C4orf51: variants seen among roughly 807,000 people sequenced by gnomAD.
C4orf51 encodes chromosome 4 open reading frame 51.
A neutral mutation model predicts 25.2 loss-of-function variants in C4orf51; 25 were observed. The observed-to-expected ratio is 0.99, with a 90% CI of 0.72 to 1.39. C4orf51 has a LOEUF of 1.39. Ranked by LOEUF, C4orf51 falls within the 40% of genes most tolerant of loss-of-function variation. The pLI, the probability that C4orf51 is intolerant of heterozygous loss-of-function variation, is 0.00. For synonymous variants in C4orf51, 100 were observed against 84.5 expected (o/e 1.18, Z -1.01); for missense variants, 252 against 239.6 (o/e 1.05, Z -0.34).
At chr4:145,785,046 T>C in the C4orf51 span, among the ~76,000 whole-genome samples, 2 of 152,256 alleles carry the variant, frequency 1.3e-5, no homozygotes, top group African/African-American at 2.4e-5. Context: ...ATTTGGGCTT[T>C]TCCTCTTCCT....
chr4:145,684,178 A>G (rs28841034), intron 1 of C4orf51, among the ~76,000 whole-genome samples: 9,920 of 152,234 alleles, frequency 0.065, 384 homozygotes, highest in Middle Eastern at 0.14. Context: ...TTGGCAAATA[A>G]GCATGTAAAA....
intron 2 of C4orf51, among the ~76,000 whole-genome samples, chr4:145,701,966 C>A (rs565656270): frequency 0.011 from 1,620 of 152,150 alleles, 33 homozygotes; most frequent in African/African-American, 0.037. Flanking sequence ...CTCTCATATC[C>A]CCCCACCTTA....
At chr4:145,716,117 T>C (rs763750536) in intron 2 of C4orf51, among the ~76,000 whole-genome samples, 13 of 152,206 alleles carry the variant, frequency 8.5e-5, no homozygotes, top group Non-Finnish European at 1.5e-4. Context: ...ATCAAAATTG[T>C]CTATTAATTA....
intron 2 of C4orf51, among the ~76,000 whole-genome samples, chr4:145,706,941 A>G (rs1232541333): frequency 1.3e-5 from 2 of 151,162 alleles, no homozygotes; most frequent in Non-Finnish European, 2.9e-5. Flanking sequence ...CCTCTTGAGT[A>G]GCTGGGATTA....
chr4:145,765,564 T>C lies in C4orf51; in HGVS notation n.167-5424T>C, dbSNP rs765908191. The C allele has an allele frequency of 8.7e-6, 14 of 1,613,380 alleles. No individual in the cohort carries two copies. In the South Asian group the frequency reaches 1.5e-4, roughly 18 times the overall value. ...CTCCTTACCTTTCTCTGGCTTTTCC[T>C]CACTGTTCAGTGAGGGCTGGCTCCC... On this transcript the variant is annotated intron_variant and non_coding_transcript_variant, in intron 1 of 1. Transcript: ENST00000510096. This position sits in a 1 kb window ranked among gnomAD's most constrained non-coding sequence, Gnocchi z 4.7.
the C4orf51 span, among the ~76,000 whole-genome samples, chr4:145,792,365 G>T: frequency 6.7e-6 from 1 of 148,726 alleles, no homozygotes; most frequent in Non-Finnish European, 1.5e-5. Context: ...ATTGTTTTCA[G>T]TTGTCATAAG....
chr4:145,785,375 A>G, the C4orf51 span, among the ~76,000 whole-genome samples: 7 of 152,162 alleles, frequency 4.6e-5, no homozygotes, highest in African/African-American at 1.7e-4. Context: ...ACTTTCCTTA[A>G]TTAAACCCAT....
chr4:145,720,421 C>G, intron 2 of C4orf51, among the ~76,000 whole-genome samples: 1 of 152,138 alleles, frequency 6.6e-6, no homozygotes, highest in East Asian at 1.9e-4. Context: ...TGAAAACCCC[C>G]CACCTACACT....
intron 1 of C4orf51, among the ~76,000 whole-genome samples, chr4:145,688,361 T>C (rs952059659): frequency 2.0e-5 from 3 of 152,112 alleles, no homozygotes; most frequent in Admixed American, 2.0e-4. Flanking sequence ...TGTTCATGAA[T>C]TGAAAGATGA....
chr4:145,712,741 A>G (rs1731200431), intron 2 of C4orf51, among the ~76,000 whole-genome samples: 1 of 152,368 alleles, frequency 6.6e-6, no homozygotes, highest in East Asian at 1.9e-4. Context: ...GCTGTACTAA[A>G]CAATATATTT....
In C4orf51 at chr4:145,732,499, A is replaced by T; in HGVS notation, c.548A>T (p.Asp183Val). 6.2e-7 allele frequency: 1 copy of T among 1,611,574 alleles called. No homozygotes were observed. The change falls in exon 6 of 6, where the codon GAT becomes GTT. Residue 183 changes from aspartate (D) to valine (V), a missense_variant. Asp to Val is a radical substitution (Grantham distance 152). Coordinates refer to ENST00000438731, the MANE Select transcript of C4orf51 (RefSeq NM_001080531.3). ...GAAAGCAAGGTTTGCTCATCTGAGG[A>T]TTCAGAAGCTGATCGATACTCCGAT... ...DSESKVCSSE[D>V]SEADRYSDYG...
intron 1 of C4orf51, among the ~76,000 whole-genome samples, chr4:145,694,731 G>A (rs987614110): frequency 6.6e-5 from 10 of 151,254 alleles, no homozygotes; most frequent in African/African-American, 2.4e-4. Flanking sequence ...TGGGAAGTGA[G>A]GAGCCCCTCT....
chr4:145,783,019 T>G, the C4orf51 span, among the ~76,000 whole-genome samples: 1 of 152,202 alleles, frequency 6.6e-6, no homozygotes, highest in Non-Finnish European at 1.5e-5. Context: ...TTATGAATAT[T>G]TCCGTTGTAC....
chr4:145,699,866 G>A (rs1028610398), intron 2 of C4orf51, among the ~76,000 whole-genome samples: 12 of 151,368 alleles, frequency 7.9e-5, no homozygotes, highest in Non-Finnish European at 1.5e-4. Context: ...TGCTTTTCTG[G>A]GGGAGGGGCA....
chr4:145,768,890 A>AAAAT (rs1553975847), intron 1 of C4orf51, among the ~76,000 whole-genome samples: 2 of 7,726 alleles, frequency 2.6e-4, no homozygotes, highest in Non-Finnish European at 6.3e-4. Flanking sequence ...AAAAAAAAAA[A>AAAAT]ATATATATAT....
intron 2 of C4orf51, among the ~76,000 whole-genome samples, chr4:145,713,985 G>A (rs1309618864): frequency 6.6e-6 from 1 of 152,110 alleles, no homozygotes; most frequent in Non-Finnish European, 1.5e-5. Flanking sequence ...GTTTCACTAT[G>A]TTGGCTAGGC....
chr4:145,767,580 T>A (rs1735496233), intron 1 of C4orf51, among the ~76,000 whole-genome samples: 1 of 152,060 alleles, frequency 6.6e-6, no homozygotes, highest in Admixed American at 6.6e-5. Flanking sequence ...TTGCTCAAAA[T>A]CAGTGCTAAA....
chr4:145,720,168 A>G (rs959814516), intron 2 of C4orf51, among the ~76,000 whole-genome samples: 1 of 152,024 alleles, frequency 6.6e-6, no homozygotes, highest in African/African-American at 2.4e-5. Flanking sequence ...TGGTCTGTCT[A>G]AGAAAGGCAC....
chr4:145,786,363 A>G, the C4orf51 span, among the ~76,000 whole-genome samples: 1 of 152,208 alleles, frequency 6.6e-6, no homozygotes, highest in African/African-American at 2.4e-5. Context: ...TTATTTGGCG[A>G]CAGCTGTAAG....
Sources: gnomAD v4.1 joint callset for allele counts (sites outside exome capture counted in the v4.1 genomes callset) on GRCh38, gnomAD v4.1.1 for gene constraint, Gnocchi (gnomAD v3.1) non-coding constraint, MANE v1.5 for transcripts, NCBI Gene and HGNC (gene_info 2026-07-23, HGNC 2026-07-21) for gene names.